The following WWOX variants were observed in gnomAD, a reference collection of about 807,000 sequenced individuals.
WWOX encodes the protein WW domain containing oxidoreductase.
In WWOX, 69 loss-of-function variants were observed where a neutral mutation model predicts 46.2. That is an observed-to-expected ratio of 1.49 (90% confidence interval 1.23 to 1.82). The LOEUF (loss-of-function observed/expected upper bound fraction) is 1.82, where lower values mean the gene tolerates loss of function less well. Among genes scored for constraint, WWOX ranks in the 40% most tolerant of loss-of-function variants. The probability of loss-of-function intolerance (pLI) is 0.00; values close to 1 mark genes in which losing one functional copy is unlikely to be tolerated. For missense variants in WWOX, 919 were observed against 542.6 expected (o/e 1.69, Z -6.89); for synonymous variants, 359 against 202.6 (o/e 1.77, Z -6.56).
chr16:78,777,712 C>G (rs1330139169), intron 8 of WWOX, among the ~76,000 whole-genome samples: 1 of 152,134 alleles, frequency 6.6e-6, no homozygotes, highest in African/African-American at 2.4e-5. Flanking sequence ...TTTATAAGTA[C>G]CTATTATGTG....
At chr16:78,318,747 A>C (rs1157624729) in intron 5 of WWOX, among the ~76,000 whole-genome samples, 1 of 152,146 alleles carries the variant, frequency 6.6e-6, no homozygotes, top group South Asian at 2.1e-4. Flanking sequence ...TTTTAACACT[A>C]TTCTGATATA....
intron 8 of WWOX, among the ~76,000 whole-genome samples, chr16:79,159,883 C>T (rs1381688879): frequency 1.3e-5 from 2 of 152,050 alleles, no homozygotes; most frequent in Non-Finnish European, 2.9e-5. Context: ...GGGTGTATGC[C>T]GCACCTCCTC....
chr16:78,107,954 G>T (rs764542261), intron 1 of WWOX, among the ~76,000 whole-genome samples: 2 of 151,962 alleles, frequency 1.3e-5, no homozygotes, highest in South Asian at 4.2e-4. Flanking sequence ...TTTTGAGACA[G>T]AGTCTTGCTC....
chr16:78,721,201 T>A (rs1176288038), intron 8 of WWOX, among the ~76,000 whole-genome samples: 4 of 152,334 alleles, frequency 2.6e-5, no homozygotes, highest in African/African-American at 7.2e-5. Flanking sequence ...TAGGCCATTA[T>A]ACTTTCTACA....
chr16:78,930,595 C>CTTT (rs534091390), intron 8 of WWOX, among the ~76,000 whole-genome samples: 15 of 139,496 alleles, frequency 1.1e-4, no homozygotes, highest in South Asian at 2.3e-4. Flanking sequence ...CAGGCAAGGA[C>CTTT]TTTTTTTTTT....
chr16:79,145,874 G>A (rs956278438), intron 8 of WWOX, among the ~76,000 whole-genome samples: 2 of 152,070 alleles, frequency 1.3e-5, no homozygotes, highest in African/African-American at 4.8e-5. Flanking sequence ...AAGAATAAAT[G>A]TATAAGAGTG....
intron 5 of WWOX, among the ~76,000 whole-genome samples, chr16:78,351,487 G>C (rs1174814639): frequency 6.6e-6 from 1 of 152,190 alleles, no homozygotes; most frequent in East Asian, 1.9e-4. Flanking sequence ...AGGTGGGGCA[G>C]AGGGGTGGTC....
At chr16:79,008,289 C>A (rs1362083210) in intron 8 of WWOX, among the ~76,000 whole-genome samples, 1 of 152,154 alleles carries the variant, frequency 6.6e-6, no homozygotes, top group Admixed American at 6.5e-5. Context: ...TGCTCTGAGT[C>A]ACTCTCTTCA....
chr16:78,652,954 A>G (rs6564573), intron 8 of WWOX, among the ~76,000 whole-genome samples: 67,443 of 151,994 alleles, frequency 0.44, 16,068 homozygotes, highest in African/African-American at 0.62. Context: ...TGATTATGGT[A>G]ATAAATAATA....
chr16:78,920,207 G>A (rs1003665511), intron 8 of WWOX, among the ~76,000 whole-genome samples: 3 of 152,168 alleles, frequency 2.0e-5, no homozygotes, highest in African/African-American at 4.8e-5. Context: ...GACTCCAGGG[G>A]AAAGAGAAAA....
At chr16:78,540,472 A>G (rs1310919336) in intron 8 of WWOX, among the ~76,000 whole-genome samples, 2 of 152,196 alleles carry the variant, frequency 1.3e-5, no homozygotes, top group African/African-American at 2.4e-5. Context: ...TACTCAGGAA[A>G]TCATTGATGT....
At chr16:78,162,042 C>A (rs62045112) in intron 4 of WWOX, among the ~76,000 whole-genome samples, 1 of 152,136 alleles carries the variant, frequency 6.6e-6, no homozygotes, top group African/African-American at 2.4e-5. Flanking sequence ...TTACTTTCTG[C>A]ATCTCTGGGT....
rs868400187 is a variant in WWOX at position 78,314,712 on chromosome 16, T to G, written c.517-72148T>G. Reference sequence around the variant, plus strand: ...GGTTTTTTTTTTTTGTTTTTTTTTTTTTTTTTTTTCTGTATTTTCAGTAGA... The same window carrying G: ...GGTTTTTTTTTTTTGTTTTTTTTTTGTTTTTTTTTCTGTATTTTCAGTAGA... On this transcript the variant is annotated intron_variant, in intron 5 of 8. Transcript: ENST00000566780. 3.6e-3 allele frequency among the ~76,000 whole-genome samples: 494 copies of G among 138,552 alleles called. 7 individuals are homozygous for G. Among genetic ancestry groups the G allele is most frequent in the African/African-American group, 6.4e-3 (216 of 33,766 alleles). The allele number at this position is 138,552 out of a possible 152,430, so 90.9% of individuals were successfully genotyped here.
chr16:78,971,552 A>T (rs1164835184), intron 8 of WWOX, among the ~76,000 whole-genome samples: 1 of 151,924 alleles, frequency 6.6e-6, no homozygotes, highest in African/African-American at 2.4e-5. Context: ...ACTCTAATGG[A>T]TCCCTGACGG....
chr16:78,809,089 G>A (rs1351048730), intron 8 of WWOX, among the ~76,000 whole-genome samples: 3 of 151,862 alleles, frequency 2.0e-5, no homozygotes, highest in Non-Finnish European at 2.9e-5. Flanking sequence ...GAGGACACAC[G>A]GCGTTCTGCA....
At chr16:78,570,043 T>C (rs1468573372) in intron 8 of WWOX, among the ~76,000 whole-genome samples, 1 of 152,200 alleles carries the variant, frequency 6.6e-6, no homozygotes, top group Non-Finnish European at 1.5e-5. Flanking sequence ...CAGGTGGATA[T>C]AAATATAAAG....
chr16:79,030,587 C>T (rs2151394782), intron 8 of WWOX, among the ~76,000 whole-genome samples: 1 of 152,326 alleles, frequency 6.6e-6, no homozygotes, highest in East Asian at 1.9e-4. Flanking sequence ...TGGTCCGTCT[C>T]ATTTAAGGTT....
chr16:78,314,088 TAAAA>T (rs1417992992), intron 5 of WWOX, among the ~76,000 whole-genome samples: 2 of 151,800 alleles, frequency 1.3e-5, no homozygotes, highest in Admixed American at 6.6e-5. Flanking sequence ...AGAATTAAAA[TAAAA>T]AACACAAAGC....
chr16:78,806,637 G>A (rs1054592595), intron 8 of WWOX, among the ~76,000 whole-genome samples: 16 of 152,098 alleles, frequency 1.1e-4, no homozygotes, highest in African/African-American at 3.4e-4. Context: ...TGGGTTCCAA[G>A]GGTGAGCGTC....
Sources: allele counts gnomAD v4.1 joint callset (sites outside exome capture counted in the v4.1 genomes callset), GRCh38; gene constraint gnomAD v4.1.1; transcripts MANE v1.5; gene names NCBI Gene and HGNC (gene_info 2026-07-23, HGNC 2026-07-21).